PPP2R2C: variants seen among roughly 807,000 people sequenced by gnomAD.
The protein encoded by PPP2R2C is protein phosphatase 2, regulatory subunit B, gamma.
PPP2R2C carries 10 observed loss-of-function variants against 45.3 expected under a neutral mutation model. The ratio of observed to expected loss-of-function variants is 0.22; its 90% CI spans 0.14 to 0.37. The LOEUF is 0.37. Ranked by LOEUF, PPP2R2C falls within the 10% of genes least tolerant of loss-of-function variation. The pLI, the probability that PPP2R2C is intolerant of heterozygous loss-of-function variation, is 1.00. For missense variants in PPP2R2C, 308 were observed against 619.7 expected, an observed-to-expected ratio of 0.50 and a Z score of 5.34; for synonymous variants, 257 against 245.4, an observed-to-expected ratio of 1.05 and a Z score of -0.44.
chr4:6,373,146 G>T (rs1300267603), intron 4 of PPP2R2C, among the ~76,000 whole-genome samples: 1 of 152,196 alleles, frequency 6.6e-6, no homozygotes, highest in Non-Finnish European at 1.5e-5. Flanking sequence ...TGAGCAAAGT[G>T]ATACCTGGCC....
chr4:6,409,531 G>C (rs570693440), intron 1 of PPP2R2C, among the ~76,000 whole-genome samples: 1 of 152,320 alleles, frequency 6.6e-6, no homozygotes, highest in East Asian at 1.9e-4. Context: ...AGAGCAGCCA[G>C]CCCATGAGGA....
At chr4:6,478,927 A>C (rs1351020885) in intron 2 of PPP2R2C, among the ~76,000 whole-genome samples, 1 of 152,164 alleles carries the variant, frequency 6.6e-6, no homozygotes, top group Non-Finnish European at 1.5e-5. Flanking sequence ...CTCACTCTAC[A>C]GCGTCGCTGG....
At chr4:6,491,802 TCCC>T (rs1722707623) in intron 2 of PPP2R2C, among the ~76,000 whole-genome samples, 1 of 152,194 alleles carries the variant, frequency 6.6e-6, no homozygotes, top group South Asian at 2.1e-4. Flanking sequence ...TGTGCCTACT[TCCC>T]CTTGGCTTTC....
At position 6,381,235 on chromosome 4, in the gene PPP2R2C, G is replaced by A. The variant is rs189099590; in HGVS notation, c.71-141C>T. On this transcript the variant is annotated intron_variant, in intron 1 of 8. Transcript: ENST00000382599. ...GGCAGGAGGCAGCAGGGAGCCTGAG[G>A]GGTCAGGAGCATCGGCGAGGGGCCA... 4 of 1,538,108 alleles carry A rather than the reference G, an allele frequency of 2.6e-6. No homozygotes were observed. The African/African-American group carries it at 5.5e-5, about 21-fold the overall frequency.
chr4:6,431,765 T>C lies in PPP2R2C; in HGVS notation c.70+40395A>G, dbSNP rs554512630. 1.1e-4 allele frequency among the ~76,000 whole-genome samples: 16 copies of C among 152,306 alleles called. No individual in the cohort carries two copies. In the East Asian group the frequency reaches 1.2e-3, roughly 11 times the overall value. On this transcript the variant is annotated intron_variant, in intron 1 of 8. Transcript: ENST00000382599. ...GACCCCAACCCTGCCTCTGATACCCTTCCCAGTGGTATGGCCTCAGTGGGT... is the reference window on the plus strand; with the variant it reads ...GACCCCAACCCTGCCTCTGATACCCCTCCCAGTGGTATGGCCTCAGTGGGT...
chr4:6,460,260 T>C, intron 1 of PPP2R2C, among the ~76,000 whole-genome samples: 1 of 152,156 alleles, frequency 6.6e-6, no homozygotes, highest in East Asian at 1.9e-4. Context: ...AATGCAGTCA[T>C]ATGGATGAGC....
chr4:6,337,463 T>C (rs1733068975), intron 6 of PPP2R2C, among the ~76,000 whole-genome samples: 2 of 152,026 alleles, frequency 1.3e-5, no homozygotes, highest in African/African-American at 2.4e-5. Flanking sequence ...AACTAGGCTT[T>C]CTGTCACTTG....
chr4:6,386,203 C>T (rs1448492834), intron 1 of PPP2R2C, among the ~76,000 whole-genome samples: 1 of 152,206 alleles, frequency 6.6e-6, no homozygotes, highest in African/African-American at 2.4e-5. Flanking sequence ...TTGGGAGGAA[C>T]AGCCGGCGTT....
At chr4:6,360,477 G>C (rs907377759) in intron 5 of PPP2R2C, among the ~76,000 whole-genome samples, 1 of 152,112 alleles carries the variant, frequency 6.6e-6, no homozygotes, top group Non-Finnish European at 1.5e-5. Flanking sequence ...CAGATGTCTC[G>C]GCAGGAGCCT....
chr4:6,539,344 C>T (rs1167985896), intron 1 of PPP2R2C, among the ~76,000 whole-genome samples: 1 of 152,178 alleles, frequency 6.6e-6, no homozygotes, highest in Non-Finnish European at 1.5e-5. Flanking sequence ...CAGCCCTGCC[C>T]ACACTGTGAC....
intron 2 of PPP2R2C, among the ~76,000 whole-genome samples, chr4:6,484,071 G>A (rs1433004188): frequency 6.6e-6 from 1 of 151,824 alleles, no homozygotes; most frequent in Non-Finnish European, 1.5e-5. Context: ...CTTACTATCT[G>A]GTCCTTTAAG....
chr4:6,483,224 G>A (rs1251729078), intron 2 of PPP2R2C, among the ~76,000 whole-genome samples: 2 of 152,070 alleles, frequency 1.3e-5, no homozygotes, highest in Non-Finnish European at 2.9e-5. Context: ...ATGTTTAGAA[G>A]TCATATTGAT....
At chr4:6,369,808 C>T (rs1025733097) in intron 5 of PPP2R2C, among the ~76,000 whole-genome samples, 2 of 152,230 alleles carry the variant, frequency 1.3e-5, no homozygotes, top group South Asian at 2.1e-4. Flanking sequence ...CTCACTTCCA[C>T]TGCCATGGCG....
intron 4 of PPP2R2C, among the ~76,000 whole-genome samples, chr4:6,374,531 T>C (rs1486539214): frequency 2.6e-5 from 4 of 152,200 alleles, no homozygotes; most frequent in East Asian, 1.9e-4. Context: ...AAGATCACAA[T>C]TGTCATCTGG....
chr4:6,395,815 T>C (rs1340933335), intron 1 of PPP2R2C, among the ~76,000 whole-genome samples: 1 of 152,184 alleles, frequency 6.6e-6, no homozygotes, highest in Non-Finnish European at 1.5e-5. Context: ...CCCTCTTTAC[T>C]GGCAAGGAGC....
At chr4:6,517,138 G>T (rs1374830680) in intron 2 of PPP2R2C, among the ~76,000 whole-genome samples, 1 of 152,216 alleles carries the variant, frequency 6.6e-6, no homozygotes, top group Non-Finnish European at 1.5e-5. Context: ...CTCCTTCCCA[G>T]CAAGCCCACC....
chr4:6,506,207 G>C (rs28689807), intron 2 of PPP2R2C, among the ~76,000 whole-genome samples: 8 of 152,058 alleles, frequency 5.3e-5, no homozygotes, highest in Non-Finnish European at 5.9e-5. Flanking sequence ...ATTGAAAGAG[G>C]AGCAAGGGAT....
At chr4:6,524,260 G>A (rs1724122279) in intron 2 of PPP2R2C, among the ~76,000 whole-genome samples, 1 of 152,142 alleles carries the variant, frequency 6.6e-6, no homozygotes, top group African/African-American at 2.4e-5. Flanking sequence ...CATCCTGGAT[G>A]AGCCTTGAAA....
intron 2 of PPP2R2C, among the ~76,000 whole-genome samples, chr4:6,502,334 G>A (rs1723085596): frequency 1.3e-5 from 2 of 152,114 alleles, no homozygotes; most frequent in South Asian, 4.1e-4. Flanking sequence ...AGAAACAAGC[G>A]AATCTCCCCT....
Sources: gnomAD v4.1 joint callset for allele counts (sites outside exome capture counted in the v4.1 genomes callset) on GRCh38, gnomAD v4.1.1 for gene constraint, MANE v1.5 for transcripts, NCBI Gene and HGNC (gene_info 2026-07-23, HGNC 2026-07-21) for gene names.